Variants in WDPCP observed in about 807,000 individuals in gnomAD.
WDPCP encodes the protein WD repeat containing planar cell polarity effector, also known as WD repeat-containing and planar cell polarity effector protein fritz homolog.
In WDPCP, 71 loss-of-function variants were observed where a neutral mutation model predicts 93.1. The ratio of observed to expected loss-of-function variants is 0.76; its 90% CI spans 0.63 to 0.93. WDPCP has a LOEUF of 0.93. Ranked by LOEUF, WDPCP falls within the 40% of genes least tolerant of loss-of-function variation. The pLI is 0.00. For missense variants in WDPCP, 844 were observed against 887.4 expected, an observed-to-expected ratio of 0.95 and a Z score of 0.62; for synonymous variants, 315 against 315.0, an observed-to-expected ratio of 1.00 and a Z score of 0.00.
At chr2:63,681,163 G>A (rs1710488019) in intron 2 of WDPCP, among the ~76,000 whole-genome samples, 1 of 152,116 alleles carries the variant, frequency 6.6e-6, no homozygotes, top group South Asian at 2.1e-4. Context: ...AAAGCAGAAG[G>A]AAAACTGAGG....
At chr2:63,773,373 C>T (rs1670258316) in intron 2 of WDPCP, among the ~76,000 whole-genome samples, 2 of 151,850 alleles carry the variant, frequency 1.3e-5, no homozygotes, top group Non-Finnish European at 2.9e-5. Context: ...TTATATGACA[C>T]TCAGAAACAG....
At chr2:63,794,120 C>T (rs747122009) in intron 2 of WDPCP, among the ~76,000 whole-genome samples, 1 of 152,112 alleles carries the variant, frequency 6.6e-6, no homozygotes, top group African/African-American at 2.4e-5. Context: ...AAGACATATT[C>T]CAGCCAAAGC....
intron 1 of WDPCP, among the ~76,000 whole-genome samples, chr2:63,502,456 T>C (rs1701617249): frequency 6.6e-6 from 1 of 152,202 alleles, no homozygotes; most frequent in African/African-American, 2.4e-5. Flanking sequence ...GACTGTACTT[T>C]TTCCTATATC....
intron 3 of WDPCP, chr2:63,594,267 A>T: frequency 1.6e-6 from 1 of 639,648 alleles, no homozygotes; most frequent in African/African-American, 1.8e-5. Context: ...AGATTATGTA[A>T]GTAAATCCAG....
intron 1 of WDPCP, among the ~76,000 whole-genome samples, chr2:63,532,957 G>A (rs955905296): frequency 4.6e-5 from 7 of 152,136 alleles, no homozygotes; most frequent in African/African-American, 1.7e-4. Context: ...GCTGTATTCA[G>A]GAGACCCATC....
rs1167296897 is a variant in WDPCP, at chr2:63,572,079, C to T, written c.75+16118G>A. ...AGCAGTGGACGTATAGATAATCAGG[C>T]TCCAGAGGAAACCAAAGGAGGCAAG... On this transcript the variant is annotated intron_variant, in intron 1 of 17. Coordinates refer to ENST00000272321, the MANE Select transcript of WDPCP (RefSeq NM_015910.7). Among the ~76,000 whole-genome samples, 3 of 152,158 alleles carry T rather than the reference C, an allele frequency of 2.0e-5. No homozygotes were observed. In the East Asian group the frequency reaches 5.8e-4, roughly 29 times the overall value.
At chr2:63,516,382 T>G (rs1325478758) in intron 1 of WDPCP, among the ~76,000 whole-genome samples, 2 of 152,314 alleles carry the variant, frequency 1.3e-5, no homozygotes, top group African/African-American at 2.4e-5. Flanking sequence ...TACTGATTTA[T>G]TAAACACTAG....
intron 12 of WDPCP, among the ~76,000 whole-genome samples, chr2:63,336,935 C>T (rs1024029752): frequency 1.4e-5 from 2 of 142,262 alleles, no homozygotes; most frequent in Non-Finnish European, 3.0e-5. Context: ...CGCTCTGTCA[C>T]CAGGTTGGAG....
At chr2:63,484,067 A>G (rs2105902262) in intron 6 of WDPCP, among the ~76,000 whole-genome samples, 1 of 152,120 alleles carries the variant, frequency 6.6e-6, no homozygotes, top group South Asian at 2.1e-4. Flanking sequence ...TGAAGAACTG[A>G]ATTTTTTATT....
intron 1 of WDPCP, among the ~76,000 whole-genome samples, chr2:63,571,203 G>A (rs760785429): frequency 3.3e-5 from 5 of 152,074 alleles, no homozygotes; most frequent in East Asian, 1.9e-4. Context: ...AAGCCACCGC[G>A]CCTGGTCAGG....
intron 9 of WDPCP, among the ~76,000 whole-genome samples, chr2:63,417,301 T>A (rs1695506676): frequency 6.6e-6 from 1 of 152,218 alleles, no homozygotes; most frequent in South Asian, 2.1e-4. Context: ...GCTTGGAAGT[T>A]AATATTAAAC....
chr2:63,690,397 A>T (rs1328844940), intron 2 of WDPCP, among the ~76,000 whole-genome samples: 2 of 152,062 alleles, frequency 1.3e-5, no homozygotes, highest in African/African-American at 4.8e-5. Context: ...TGCTTTTTTC[A>T]CACCATCCCA....
At chr2:63,175,444 C>T (rs1238496343) in intron 14 of WDPCP, among the ~76,000 whole-genome samples, 2 of 151,806 alleles carry the variant, frequency 1.3e-5, no homozygotes, top group South Asian at 2.1e-4. Context: ...TTAGGACCAC[C>T]GTGTATGGCA....
intron 3 of WDPCP, among the ~76,000 whole-genome samples, chr2:63,610,766 G>C (rs1709605668): frequency 6.6e-6 from 1 of 152,102 alleles, no homozygotes; most frequent in African/African-American, 2.4e-5. Context: ...TCTGCACTCT[G>C]TGTTTTTCCT....
intron 12 of WDPCP, among the ~76,000 whole-genome samples, chr2:63,328,482 C>T (rs1217951994): frequency 3.9e-5 from 6 of 152,158 alleles, no homozygotes; most frequent in Admixed American, 1.3e-4. Context: ...CAACTCTGGA[C>T]GTGCCGCCTT....
intron 9 of WDPCP, among the ~76,000 whole-genome samples, chr2:63,433,343 A>C (rs963408916): frequency 1.1e-4 from 16 of 152,242 alleles, no homozygotes; most frequent in African/African-American, 3.6e-4. Flanking sequence ...GTAATAATAG[A>C]ACTAATAATG....
chr2:63,360,976 T>C (rs1236403319), intron 12 of WDPCP, among the ~76,000 whole-genome samples: 1 of 152,202 alleles, frequency 6.6e-6, no homozygotes, highest in Admixed American at 6.5e-5. Flanking sequence ...GTTATCTGGA[T>C]GCAGTGTCTG....
chr2:63,632,904 A>G (rs1353479232), intron 3 of WDPCP, among the ~76,000 whole-genome samples: 5 of 152,340 alleles, frequency 3.3e-5, no homozygotes, highest in Non-Finnish European at 7.3e-5. Context: ...TTCAATCCAA[A>G]GAGGACTTCA....
intron 2 of WDPCP, among the ~76,000 whole-genome samples, chr2:63,700,335 A>G (rs1412619198): frequency 1.3e-5 from 2 of 150,908 alleles, no homozygotes; most frequent in Non-Finnish European, 3.0e-5. Flanking sequence ...ATGCTGTGCT[A>G]GAGCTACTTA....
Sources: allele counts gnomAD v4.1 joint callset (sites outside exome capture counted in the v4.1 genomes callset), GRCh38; gene constraint gnomAD v4.1.1; transcripts MANE v1.5; gene names NCBI Gene and HGNC (gene_info 2026-07-23, HGNC 2026-07-21).